The following USP28 variants were observed in gnomAD, a reference collection of about 807,000 sequenced individuals.
The protein encoded by USP28 is ubiquitin specific peptidase 28.
In USP28, 113 loss-of-function variants were observed where a neutral mutation model predicts 145.0. That is an observed-to-expected ratio of 0.78 (90% CI 0.67 to 0.91). The LOEUF (loss-of-function observed/expected upper bound fraction) is 0.91, where lower values mean the gene tolerates loss of function less well. USP28 is among the 40% of genes least tolerant of loss of function. USP28 has a pLI of 0.00. For synonymous variants in USP28, 447 were observed against 450.9 expected, an observed-to-expected ratio of 0.99 and a Z score of 0.11; for missense variants, 1,201 against 1,289.6, an observed-to-expected ratio of 0.93 and a Z score of 1.05.
chr11:113,830,211 T>TA (rs1943835053), intron 9 of USP28, among the ~76,000 whole-genome samples: 1 of 152,206 alleles, frequency 6.6e-6, no homozygotes, highest in Non-Finnish European at 1.5e-5. Context: ...TTTCTATTTT[T>TA]AAAAAATTAT....
chr11:113,831,775 A>G lies in USP28; in HGVS notation c.833+145T>C, dbSNP rs1419989995. On this transcript the variant is annotated intron_variant, in intron 8 of 24. Coordinates refer to ENST00000003302, the Ensembl canonical transcript of USP28. ...GGAAAGCTGAAGGCGACAGGGATAC[A>G]TGATGAGGACTACCTCAGTGGTTAT... 5.1e-6 allele frequency: 3 copies of G among 583,668 alleles called. No individual in the cohort carries two copies. The African/African-American group carries it at 5.7e-5, about 11-fold the overall frequency. The allele number at this position is 583,668 out of a possible 1,614,324, so 36.2% of individuals were successfully genotyped here.
chr11:113,875,399 G>A, intron 1 of USP28, 46 bp downstream of exon 1: 2 of 1,220,348 alleles, frequency 1.6e-6, no homozygotes, highest in Non-Finnish European at 2.0e-6. Context: ...CTCCCCTCAG[G>A]GCCTGGAGCC....
chr11:113,854,449 T>C, intron 1 of USP28, 114 bp from the exon 2 acceptor site: 1 of 915,872 alleles, frequency 1.1e-6, no homozygotes, highest in South Asian at 1.6e-5. Context: ...TTGCCCAGGC[T>C]GGAGTGCAGT....
intron 18 of USP28, among the ~76,000 whole-genome samples, chr11:113,807,261 CAG>C (rs1041820641): frequency 6.6e-5 from 10 of 151,956 alleles, no homozygotes; most frequent in African/African-American, 2.4e-4. Context: ...TTAGTAGAGA[CAG>C]GGGTTTCACC....
chr11:113,820,157 A>T (rs568107579), intron 12 of USP28: 26 of 152,278 alleles, frequency 1.7e-4, no homozygotes, highest in African/African-American at 6.0e-4. Flanking sequence ...TTTTTAACCT[A>T]CCAACTGGGA....
intron 10 of USP28, 108 bp downstream of exon 10, chr11:113,829,089 C>A: frequency 6.9e-7 from 1 of 1,455,056 alleles, no homozygotes; most frequent in Non-Finnish European, 9.4e-7. Flanking sequence ...TCAAGTTCTG[C>A]TAAGTGTAAA....
chr11:113,856,527 T>C (rs1947063463), intron 1 of USP28, among the ~76,000 whole-genome samples: 1 of 152,256 alleles, frequency 6.6e-6, no homozygotes, highest in East Asian at 1.9e-4. Flanking sequence ...AACAGACCTA[T>C]GACATAGGTA....
exon 25 of USP28, chr11:113,798,057 T>C (rs1210341883): frequency 1.4e-5 from 2 of 144,784 alleles, no homozygotes; most frequent in African/African-American, 5.1e-5. Context: ...GTTTTGCATA[T>C]GTATGCTGGT....
chr11:113,858,076 G>C (rs931635733), intron 1 of USP28, among the ~76,000 whole-genome samples: 2 of 152,118 alleles, frequency 1.3e-5, no homozygotes, highest in African/African-American at 4.8e-5. Flanking sequence ...ATGTTGGCCA[G>C]GCTGGTCTCA....
chr11:113,862,785 A>C (rs1033868524), intron 1 of USP28, among the ~76,000 whole-genome samples: 3 of 152,228 alleles, frequency 2.0e-5, no homozygotes, highest in African/African-American at 7.2e-5. Context: ...AAGGAGAAAA[A>C]AAACAATGGT....
intron 14 of USP28, among the ~76,000 whole-genome samples, chr11:113,814,611 T>C (rs1039465825): frequency 1.3e-5 from 2 of 151,850 alleles, no homozygotes; most frequent in Non-Finnish European, 2.9e-5. Flanking sequence ...CAGAAATCAG[T>C]TGATGCAGAA....
At chr11:113,826,473 C>G (rs1021418432) in intron 11 of USP28, among the ~76,000 whole-genome samples, 1 of 146,724 alleles carries the variant, frequency 6.8e-6, no homozygotes, top group Admixed American at 6.9e-5. Flanking sequence ...CTACACCCAG[C>G]TAATTTTTTT....
At chr11:113,807,949 ACCT>A in intron 18 of USP28, 1 of 1,106,466 alleles carries the variant, frequency 9.0e-7, no homozygotes, top group Non-Finnish European at 1.1e-6. Context: ...TCATCTCTGT[ACCT>A]CCTCATCATA....
chr11:113,809,572 G>C (rs531939490), intron 16 of USP28, among the ~76,000 whole-genome samples: 1 of 152,144 alleles, frequency 6.6e-6, no homozygotes, highest in Non-Finnish European at 1.5e-5. Flanking sequence ...TAATGAAAAA[G>C]GCTCATAAAG....
At chr11:113,863,632 A>G (rs1009181521) in intron 1 of USP28, among the ~76,000 whole-genome samples, 1 of 128,584 alleles carries the variant, frequency 7.8e-6, no homozygotes, top group Admixed American at 8.8e-5. Context: ...CAACAGAGTG[A>G]GACCCTGTCT....
chr11:113,821,922 G>A (rs1312640823), intron 12 of USP28: 2 of 152,188 alleles, frequency 1.3e-5, no homozygotes, highest in Admixed American at 6.6e-5. Flanking sequence ...GGTGGGGTGG[G>A]GGAGTGGGGG....
rs144929430 is a variant in USP28 at position 113,803,750 on chromosome 11, G to A, written c.2738+48C>T. On this transcript the variant is annotated intron_variant, in intron 22 of 24. Coordinates refer to ENST00000003302, the Ensembl canonical transcript of USP28. ...GTATTCCCAGGTAGGCATCTACAGA[G>A]AACAGCATCCTGACTAATAATCTTG... is the stretch of plus-strand genomic sequence containing the variant. The A allele has an allele frequency of 2.5e-5, 38 of 1,511,148 alleles. No individual in the cohort carries two copies. In the African/African-American group the frequency reaches 3.3e-4, roughly 13 times the overall value. The allele number at this position is 1,511,148 out of a possible 1,614,324, so 93.6% of individuals were successfully genotyped here.
chr11:113,798,032 A>G (rs1473239090), exon 25 of USP28: 2 of 147,018 alleles, frequency 1.4e-5, no homozygotes, highest in Non-Finnish European at 3.0e-5. Context: ...TTCTCTACAT[A>G]TACATATATA....
intron 3 of USP28, among the ~76,000 whole-genome samples, chr11:113,846,197 C>T (rs896086742): frequency 1.1e-4 from 16 of 152,130 alleles, no homozygotes; most frequent in African/African-American, 3.6e-4. Flanking sequence ...CTATTCAACG[C>T]ATACTAAGTA....
Sources: gnomAD v4.1 joint callset for allele counts (sites outside exome capture counted in the v4.1 genomes callset) on GRCh38, gnomAD v4.1.1 for gene constraint, MANE v1.5 for transcripts, NCBI Gene and HGNC (gene_info 2026-07-23, HGNC 2026-07-21) for gene names.